Variants in PCDHA8 observed in about 807,000 individuals in gnomAD.
PCDHA8 encodes the protein protocadherin alpha-8.
Under a neutral mutation model 61.8 loss-of-function variants are expected in PCDHA8, and 53 were observed. The ratio of observed to expected loss-of-function variants is 0.86; its 90% CI spans 0.69 to 1.08. PCDHA8 has a LOEUF of 1.08. Among genes scored for constraint, PCDHA8 ranks in the 50% least tolerant of loss-of-function variants. PCDHA8 has a pLI of 0.00. For synonymous variants in PCDHA8, 618 were observed against 556.6 expected, an observed-to-expected ratio of 1.11 and a Z score of -1.55; for missense variants, 1,293 against 1,245.0, an observed-to-expected ratio of 1.04 and a Z score of -0.58.
At chr5:140,949,222 G>T (rs1472220330) in intron 1 of PCDHA8, among the ~76,000 whole-genome samples, 1 of 151,662 alleles carries the variant, frequency 6.6e-6, no homozygotes, top group Non-Finnish European at 1.5e-5. Flanking sequence ...GTTTAGACTT[G>T]TTCTGTGGCC....
intron 1 of PCDHA8, among the ~76,000 whole-genome samples, chr5:140,847,077 G>T (rs2150397168): frequency 6.7e-6 from 1 of 149,668 alleles, no homozygotes; most frequent in East Asian, 1.9e-4. Flanking sequence ...ATGACAAGTA[G>T]AAAAGTCCAC....
intron 3 of PCDHA8, among the ~76,000 whole-genome samples, chr5:141,008,297 A>G (rs2098368469): frequency 6.6e-6 from 1 of 152,178 alleles, no homozygotes; most frequent in South Asian, 2.1e-4. Context: ...GTTGTACCCA[A>G]CCCTAAACTG....
intron 1 of PCDHA8, among the ~76,000 whole-genome samples, chr5:140,892,860 T>C (rs1554185404): frequency 6.6e-6 from 1 of 152,158 alleles, no homozygotes; most frequent in Non-Finnish European, 1.5e-5. Flanking sequence ...ATTCCTCCTG[T>C]GTAGCTATAA....
At chr5:140,999,933 A>T (rs1554257043) in intron 3 of PCDHA8, among the ~76,000 whole-genome samples, 1 of 152,124 alleles carries the variant, frequency 6.6e-6, no homozygotes, top group African/African-American at 2.4e-5. Context: ...AGCTCAACTC[A>T]TTCCACCCAA....
intron 1 of PCDHA8, among the ~76,000 whole-genome samples, chr5:140,973,052 G>C (rs114678656): frequency 0.013 from 2,011 of 152,210 alleles, 55 homozygotes; most frequent in African/African-American, 0.046. Flanking sequence ...TAGTAGATTT[G>C]TCCAACAGTG....
intron 1 of PCDHA8, 168 bp from the exon 2 acceptor site, chr5:140,978,781 A>G (rs4461687): frequency 4.1e-6 from 4 of 969,772 alleles, no homozygotes; most frequent in South Asian, 4.8e-5. Context: ...ATTTTCTTCT[A>G]AAGTGCTATA....
chr5:140,924,668 GC>G (rs2081945881), intron 1 of PCDHA8, among the ~76,000 whole-genome samples: 1 of 152,142 alleles, frequency 6.6e-6, no homozygotes, highest in Admixed American at 6.5e-5. Context: ...GCCGAGGCAG[GC>G]CAATCACTTG....
Position 141,010,175 on chromosome 5 carries a change from A to G in PCDHA8, c.*238A>G. The G allele has an allele frequency of 6.4e-7, 1 of 1,556,224 alleles. No homozygotes were observed. The highest frequency in any genetic ancestry group is 8.7e-7 in the Non-Finnish European group (1 of 1,149,078). On this transcript the variant is annotated 3_prime_UTR_variant, in exon 4 of 4. Coordinates refer to ENST00000531613, the MANE Select transcript of PCDHA8 (RefSeq NM_018911.3). ...TCTGGCTTGTTTTCAGAACCTAAAA[A>G]GCAGACCCAAGTTTCCTTTCTCCTC...
intron 1 of PCDHA8, chr5:140,871,116 C>G (rs200344692): frequency 6.2e-7 from 1 of 1,613,264 alleles, no homozygotes; most frequent in East Asian, 2.2e-5. Flanking sequence ...TGGTGGAGAG[C>G]GGACAGGCGC....
In PCDHA8 at chr5:140,842,908, G is replaced by A. The variant is rs2150347706; in HGVS notation, c.1587G>A (p.Glu529=). ...ALQPLDHEEL[E]LLQFQVSARD... ...AGCCGCTGGACCACGAGGAGCTAGAGCTGCTGCAGTTCCAGGTGAGCGCGC... is the reference window on the plus strand; with the variant it reads ...AGCCGCTGGACCACGAGGAGCTAGAACTGCTGCAGTTCCAGGTGAGCGCGC... Residue 529 remains glutamate (E), a synonymous_variant, in exon 1 of 4, where the codon GAG becomes GAA. Transcript: ENST00000531613. 5.6e-6 allele frequency: 9 copies of A among 1,594,496 alleles called. No homozygotes were observed. Among genetic ancestry groups the A allele is most frequent in the African/African-American group, 1.3e-5 (1 of 74,370 alleles).
chr5:140,884,439 C>G (rs1554181562), intron 1 of PCDHA8: 2 of 1,613,818 alleles, frequency 1.2e-6, no homozygotes, highest in East Asian at 2.2e-5. Context: ...CTGCGGTGCT[C>G]GGCACCGCCC....
Position 140,982,566 on chromosome 5 carries a change from A to G in PCDHA8, c.2542+3A>G, listed in dbSNP as rs372784858. On this transcript the variant is annotated splice_donor_region_variant and intron_variant, in intron 3 of 3. Transcript: ENST00000531613. ...AACAGTATCCAGTGCAACACCAGGT[A>G]AAGAGCTGGGGTCTCTCCATTCTTT... 8 of 1,613,970 alleles carry G rather than the reference A, an allele frequency of 5.0e-6. No individual in the cohort carries two copies. The highest frequency in any genetic ancestry group is 6.8e-6 in the Non-Finnish European group (8 of 1,179,958).
At chr5:140,883,041 G>A (rs2059417348) in intron 1 of PCDHA8, 1 of 1,613,960 alleles carries the variant, frequency 6.2e-7, no homozygotes, top group African/African-American at 1.3e-5. Context: ...GCCTTCAATG[G>A]AACATTAGTG....
At chr5:140,973,492 T>C (rs2096590680) in intron 1 of PCDHA8, among the ~76,000 whole-genome samples, 1 of 152,192 alleles carries the variant, frequency 6.6e-6, no homozygotes, top group African/African-American at 2.4e-5. Context: ...GTCACAGGAC[T>C]CTTCTTCTGA....
chr5:140,952,266 G>T (rs2094712993), intron 1 of PCDHA8, among the ~76,000 whole-genome samples: 1 of 151,598 alleles, frequency 6.6e-6, no homozygotes, highest in South Asian at 2.1e-4. Context: ...CCATTCTGGG[G>T]TCTTGAGGGT....
At chr5:140,903,635 A>T (rs2070455281) in intron 1 of PCDHA8, among the ~76,000 whole-genome samples, 1 of 152,244 alleles carries the variant, frequency 6.6e-6, no homozygotes, top group Non-Finnish European at 1.5e-5. Context: ...ATGTATGCAT[A>T]TACCATATAC....
chr5:140,857,674 G>A lies in PCDHA8; in HGVS notation c.2394+13959G>A, dbSNP rs1581464423. 2.5e-6 allele frequency: 4 copies of A among 1,596,892 alleles called. No individual in the cohort carries two copies. In the East Asian group the frequency reaches 6.7e-5, roughly 27 times the overall value. ...TGAGCGCGCGCGATGGGGGCGTGCC[G>A]CCTCTGGGCAGCAACTTGACGCTGC... On this transcript the variant is annotated intron_variant, in intron 1 of 3. Coordinates refer to ENST00000531613, the MANE Select transcript of PCDHA8 (RefSeq NM_018911.3).
chr5:140,891,748 C>G (rs575198849), intron 1 of PCDHA8, among the ~76,000 whole-genome samples: 2 of 152,242 alleles, frequency 1.3e-5, no homozygotes, highest in African/African-American at 4.8e-5. Flanking sequence ...CCTTATACAA[C>G]AGTGTTGGGA....
intron 1 of PCDHA8, chr5:140,856,089 T>C: frequency 6.3e-7 from 1 of 1,596,782 alleles, no homozygotes; most frequent in Non-Finnish European, 8.6e-7. Flanking sequence ...CAGTGTCTGC[T>C]GCTCTCGCTT....
Sources: allele counts gnomAD v4.1 joint callset (sites outside exome capture counted in the v4.1 genomes callset), GRCh38; gene constraint gnomAD v4.1.1; transcripts MANE v1.5; gene names NCBI Gene and HGNC (gene_info 2026-07-23, HGNC 2026-07-21).